DYNC1I1: variants seen among roughly 807,000 people sequenced by gnomAD.
DYNC1I1 encodes the protein cytoplasmic dynein 1 intermediate chain 1.
A neutral mutation model predicts 86.6 loss-of-function variants in DYNC1I1; 43 were observed. That is an observed-to-expected ratio of 0.50 (90% CI 0.39 to 0.64). DYNC1I1 has a LOEUF of 0.64. DYNC1I1 is among the 30% of genes least tolerant of loss of function. The probability of loss-of-function intolerance (pLI) is 0.00; values close to 1 mark genes in which losing one functional copy is unlikely to be tolerated. For missense variants in DYNC1I1, 604 were observed against 788.8 expected (o/e 0.77, Z 2.81); for synonymous variants, 262 against 283.7 (o/e 0.92, Z 0.77).
At chr7:96,022,799 A>G (rs532114805) in intron 10 of DYNC1I1, among the ~76,000 whole-genome samples, 1 of 152,152 alleles carries the variant, frequency 6.6e-6, no homozygotes, top group East Asian at 1.9e-4. Context: ...TGGGAGCTCA[A>G]GTGAGCTATG....
intron 4 of DYNC1I1, among the ~76,000 whole-genome samples, chr7:95,823,952 CTATATATATATATA>C (rs71127429): frequency 0.053 from 4,093 of 77,882 alleles, 394 homozygotes; most frequent in Admixed American, 0.2. Flanking sequence ...TTCTACTAAA[CTATATATATATATA>C]TATATATATA....
intron 14 of DYNC1I1, among the ~76,000 whole-genome samples, chr7:96,044,885 G>A (rs547036734): frequency 6.6e-6 from 1 of 152,062 alleles, no homozygotes; most frequent in Admixed American, 6.6e-5. Flanking sequence ...GTCCAGTTGC[G>A]GTCAGAAACC....
chr7:95,934,924 T>TTTTTTG (rs530147647), intron 6 of DYNC1I1, among the ~76,000 whole-genome samples: 5 of 152,018 alleles, frequency 3.3e-5, no homozygotes, highest in Admixed American at 2.0e-4. Flanking sequence ...TTCTTCGTTT[T>TTTTTTG]TTTTTGTTTT....
chr7:95,879,974 T>A lies in DYNC1I1; in HGVS notation c.490+9976T>A, dbSNP rs560020592. Among the ~76,000 whole-genome samples the A allele has an allele frequency of 4.6e-5, 7 of 152,338 alleles. No homozygotes were observed. In the East Asian group the frequency reaches 1.4e-3, roughly 29 times the overall value. On this transcript the variant is annotated intron_variant, in intron 6 of 16. Coordinates refer to ENST00000447467, the MANE Select transcript of DYNC1I1 (RefSeq NM_001135556.2). ...ACCAGTTAGAGTTACGTGTTTGCTC[T>A]GCCATGTAGGAGCTGTTCCAAGGTC...
chr7:96,077,933 A>G (rs774116092), intron 15 of DYNC1I1, among the ~76,000 whole-genome samples: 101 of 152,194 alleles, frequency 6.6e-4, no homozygotes, highest in Non-Finnish European at 1.4e-3. Flanking sequence ...AAAAATCATT[A>G]TTGGTCATGC....
intron 6 of DYNC1I1, among the ~76,000 whole-genome samples, chr7:95,930,691 A>T (rs1043065185): frequency 2.0e-5 from 3 of 152,234 alleles, no homozygotes; most frequent in Non-Finnish European, 2.9e-5. Flanking sequence ...CCTGGCAGTT[A>T]ATTAAAACTA....
intron 10 of DYNC1I1, among the ~76,000 whole-genome samples, chr7:96,021,565 T>TG (rs1794552400): frequency 6.7e-6 from 1 of 149,028 alleles, no homozygotes; most frequent in Non-Finnish European, 1.5e-5. Context: ...TACAATTTTG[T>TG]GTTTTTTTAG....
intron 14 of DYNC1I1, 72 bp downstream of exon 14, chr7:96,039,493 A>C: frequency 6.3e-7 from 1 of 1,598,440 alleles, no homozygotes; most frequent in Non-Finnish European, 8.5e-7. Flanking sequence ...CCCTGGAAAC[A>C]GTTGTCCCTA....
chr7:95,897,654 G>A (rs995164601), intron 6 of DYNC1I1, among the ~76,000 whole-genome samples: 1 of 152,078 alleles, frequency 6.6e-6, no homozygotes, highest in Non-Finnish European at 1.5e-5. Context: ...TTAATTGGCA[G>A]GCAGATCTGC....
At chr7:95,777,289 T>C (rs963234965) in intron 1 of DYNC1I1, among the ~76,000 whole-genome samples, 1 of 152,182 alleles carries the variant, frequency 6.6e-6, no homozygotes, top group South Asian at 2.1e-4. Context: ...CCAGGTGTCT[T>C]GCCGAGTACC....
At position 95,854,909 on chromosome 7, in the gene DYNC1I1, T is replaced by C. The variant is rs568885379; in HGVS notation, c.375-14974T>C. 7.4e-4 allele frequency among the ~76,000 whole-genome samples: 112 copies of C among 152,294 alleles called. 1 individual carries two copies. The Middle Eastern group carries it at 0.027, about 37-fold the overall frequency. On this transcript the variant is annotated intron_variant, in intron 5 of 16. Transcript: ENST00000447467. Reference sequence around the variant, plus strand: ...CCACAATTGAGCACAATATAAACAGTTGGCTACCTTTTATTGGCCAAAGCT... The same window carrying C: ...CCACAATTGAGCACAATATAAACAGCTGGCTACCTTTTATTGGCCAAAGCT...
intron 4 of DYNC1I1, among the ~76,000 whole-genome samples, chr7:95,815,367 C>T (rs987330829): frequency 6.6e-6 from 1 of 152,064 alleles, no homozygotes; most frequent in African/African-American, 2.4e-5. Flanking sequence ...TAGTAAACCT[C>T]CTGCAAAGTG....
At chr7:96,015,130 C>A (rs1794370012) in intron 10 of DYNC1I1, among the ~76,000 whole-genome samples, 1 of 152,014 alleles carries the variant, frequency 6.6e-6, no homozygotes, top group African/African-American at 2.4e-5. Context: ...TGTATAAAAT[C>A]ATTTTTTTCT....
intron 3 of DYNC1I1, 141 bp from the exon 4 acceptor site, chr7:95,813,106 T>TTTTTTATTCCA: frequency 7.1e-7 from 1 of 1,413,174 alleles, no homozygotes; most frequent in Non-Finnish European, 9.3e-7. Flanking sequence ...TTTTTTTTTT[T>TTTTTTATTCCA]TCTTTATCCC....
At chr7:95,993,284 C>T (rs781634834) in intron 9 of DYNC1I1, among the ~76,000 whole-genome samples, 64 of 152,134 alleles carry the variant, frequency 4.2e-4, no homozygotes, top group Non-Finnish European at 8.1e-4. Flanking sequence ...TGACATTTCA[C>T]TGGTAATTTT....
chr7:96,023,786 T>A (rs149236090), intron 10 of DYNC1I1, among the ~76,000 whole-genome samples: 323 of 152,276 alleles, frequency 2.1e-3, no homozygotes, highest in Non-Finnish European at 3.7e-3. Context: ...GGCCAGTAAC[T>A]GGGCCATCTG....
At chr7:95,873,021 A>G (rs1562929532) in intron 6 of DYNC1I1, among the ~76,000 whole-genome samples, 1 of 152,194 alleles carries the variant, frequency 6.6e-6, no homozygotes, top group African/African-American at 2.4e-5. Flanking sequence ...CAAGTTCACT[A>G]TGTTCCCCCT....
chr7:96,063,405 AGTTT>A (rs1294044698), intron 14 of DYNC1I1, among the ~76,000 whole-genome samples: 1 of 152,074 alleles, frequency 6.6e-6, no homozygotes, highest in Non-Finnish European at 1.5e-5. Context: ...GAATTATGTT[AGTTT>A]GTTAGGGCTG....
At chr7:95,878,366 C>A (rs1440832816) in intron 6 of DYNC1I1, among the ~76,000 whole-genome samples, 2 of 151,744 alleles carry the variant, frequency 1.3e-5, no homozygotes, top group Non-Finnish European at 2.9e-5. Context: ...AGAATGTCAA[C>A]ACAGAGCTAG....
Sources: gnomAD v4.1 joint callset for allele counts (sites outside exome capture counted in the v4.1 genomes callset) on GRCh38, gnomAD v4.1.1 for gene constraint, MANE v1.5 for transcripts, NCBI Gene and HGNC (gene_info 2026-07-23, HGNC 2026-07-21) for gene names.